Variants in MBD5 observed in about 807,000 individuals in gnomAD.
The protein encoded by MBD5 is methyl-CpG-binding domain protein 5.
A neutral mutation model predicts 117.3 loss-of-function variants in MBD5; 13 were observed. The observed-to-expected ratio is 0.11, with a 90% CI of 0.07 to 0.18. MBD5 has a LOEUF of 0.18. MBD5 is among the 10% of genes least tolerant of loss of function. The pLI, the probability that MBD5 is intolerant of heterozygous loss-of-function variation, is 1.00. For missense variants in MBD5, 1,879 were observed against 2,093.8 expected (o/e 0.90, Z 2.00); for synonymous variants, 727 against 766.4 (o/e 0.95, Z 0.85).
intron 4 of MBD5, among the ~76,000 whole-genome samples, chr2:148,345,227 C>T (rs1440681716): frequency 2.7e-5 from 4 of 150,094 alleles, no homozygotes; most frequent in Non-Finnish European, 4.4e-5. Flanking sequence ...TACACACACA[C>T]ATATATATAC....
intron 3 of MBD5, among the ~76,000 whole-genome samples, chr2:148,294,501 G>GTTTTTTGTTTTTTGTTTTTTGTTTTTT (rs1701589843): frequency 1.1e-3 from 123 of 113,246 alleles, no homozygotes; most frequent in African/African-American, 4.3e-3. Context: ...TGGGATTACA[G>GTTTTTTGTTTTTTGTTTTTTGTTTTTT]TTTTTTTTTT....
At chr2:148,152,326 C>G (rs1697701489) in intron 1 of MBD5, among the ~76,000 whole-genome samples, 1 of 152,066 alleles carries the variant, frequency 6.6e-6, no homozygotes. Flanking sequence ...AATCTCTGTT[C>G]TTTTACATTT....
At chr2:148,471,223 A>G (rs921560566) in intron 8 of MBD5, 4 of 152,148 alleles carry the variant, frequency 2.6e-5, no homozygotes, top group Admixed American at 2.0e-4. Flanking sequence ...GTATCTCTTC[A>G]GCCACCATTA....
intron 4 of MBD5, among the ~76,000 whole-genome samples, chr2:148,352,864 T>C (rs1450613179): frequency 1.3e-5 from 2 of 152,122 alleles, no homozygotes; most frequent in Admixed American, 6.6e-5. Context: ...TTTGAAGTGA[T>C]AACATAAAAA....
chr2:148,409,285 G>A (rs773375866), intron 4 of MBD5, among the ~76,000 whole-genome samples: 7 of 151,906 alleles, frequency 4.6e-5, no homozygotes, highest in Non-Finnish European at 8.8e-5. Context: ...CTACTCGGGA[G>A]GCTGAGGTGG....
At chr2:148,473,115 T>C (rs1398700039) in intron 8 of MBD5, among the ~76,000 whole-genome samples, 1 of 152,200 alleles carries the variant, frequency 6.6e-6, no homozygotes, top group Non-Finnish European at 1.5e-5. Flanking sequence ...ATCACATTAA[T>C]GCATGTTAAA....
At chr2:148,407,221 C>T (rs1243683416) in intron 4 of MBD5, among the ~76,000 whole-genome samples, 1 of 152,118 alleles carries the variant, frequency 6.6e-6, no homozygotes, top group African/African-American at 2.4e-5. Flanking sequence ...GTTATTGTCT[C>T]ATAACATGCA....
At chr2:148,411,101 A>C (rs1475344791) in intron 4 of MBD5, among the ~76,000 whole-genome samples, 1 of 152,200 alleles carries the variant, frequency 6.6e-6, no homozygotes, top group Non-Finnish European at 1.5e-5. Context: ...ATAAGTAAAA[A>C]CATGCAATAT....
chr2:148,261,234 G>T (rs1700724569), intron 3 of MBD5, among the ~76,000 whole-genome samples: 1 of 152,186 alleles, frequency 6.6e-6, no homozygotes, highest in Non-Finnish European at 1.5e-5. Flanking sequence ...GAATCAGTGG[G>T]TCCTTTGAAG....
chr2:148,306,591 G>T (rs1341442654), intron 3 of MBD5, among the ~76,000 whole-genome samples: 1 of 152,138 alleles, frequency 6.6e-6, no homozygotes, highest in Non-Finnish European at 1.5e-5. Context: ...CTGTAAGATT[G>T]CTCTAAGTTA....
At chr2:148,148,566 G>T (rs143880773) in intron 1 of MBD5, among the ~76,000 whole-genome samples, 165 of 152,268 alleles carry the variant, frequency 1.1e-3, no homozygotes, top group Middle Eastern at 0.01. Context: ...ATAAATCTGA[G>T]TTAGGGCCTG....
At chr2:148,329,261 C>T (rs1702566573) in intron 3 of MBD5, among the ~76,000 whole-genome samples, 1 of 152,108 alleles carries the variant, frequency 6.6e-6, no homozygotes, top group South Asian at 2.1e-4. Context: ...TTTACTTCTC[C>T]TTTAGCCAGA....
intron 3 of MBD5, among the ~76,000 whole-genome samples, chr2:148,269,602 C>T (rs757975131): frequency 3.4e-5 from 5 of 148,244 alleles, no homozygotes; most frequent in African/African-American, 1.2e-4. Context: ...TTCTGGAAGC[C>T]TTTAAGATCT....
At chr2:148,110,563 G>T (rs1696482968) in intron 1 of MBD5, among the ~76,000 whole-genome samples, 3 of 151,832 alleles carry the variant, frequency 2.0e-5, no homozygotes, top group Admixed American at 2.0e-4. Context: ...CTTTCTTAAT[G>T]ATACACCTTC....
chr2:148,353,742 A>C (rs1237639026), intron 4 of MBD5, among the ~76,000 whole-genome samples: 1 of 151,782 alleles, frequency 6.6e-6, no homozygotes, highest in Non-Finnish European at 1.5e-5. Context: ...CAGCAGGTAC[A>C]GCTAATTTTT....
In MBD5 at chr2:148,387,880, G is replaced by T. The variant is rs551941339; in HGVS notation, c.-557+45544G>T. 3.9e-5 allele frequency among the ~76,000 whole-genome samples: 6 copies of T among 152,134 alleles called. No homozygotes were observed. The East Asian group carries it at 1.2e-3, about 29-fold the overall frequency. On this transcript the variant is annotated intron_variant, in intron 4 of 13. Coordinates refer to ENST00000642680, the MANE Select transcript of MBD5 (RefSeq NM_001378120.1). ...TATTAAACATCTAAATAGTTTATAC[G>T]AATATATTAGATCCAATATAATCAA...
intron 3 of MBD5, among the ~76,000 whole-genome samples, chr2:148,276,168 AAGTT>A (rs1000304773): frequency 2.0e-5 from 3 of 152,062 alleles, no homozygotes; most frequent in Non-Finnish European, 4.4e-5. Flanking sequence ...AACAAACAAA[AAGTT>A]AGCCAAATGT....
At position 148,288,399 on chromosome 2, in the gene MBD5, C is replaced by CAA. The variant is rs569673565; in HGVS notation, c.-679-53801_-679-53800dup. On this transcript the variant is annotated intron_variant, in intron 3 of 13. Coordinates refer to ENST00000642680, the MANE Select transcript of MBD5 (RefSeq NM_001378120.1). ...TGGGCGACAGAGCGAGACTCCGTCT[C>CAA]AAAAAAAAAAAAAAAGTGATTTCTT... Among the ~76,000 whole-genome samples the CAA allele has an allele frequency of 4.5e-4, 17 of 37,792 alleles. 4 individuals carry two copies. Among genetic ancestry groups the CAA allele is most frequent in the East Asian group, 5.0e-3 (2 of 398 alleles). The allele number at this position is 37,792 out of a possible 152,430, so 24.8% of individuals were successfully genotyped here. A position where few individuals can be genotyped will look rare whatever the true frequency, so the allele number is the denominator to read the frequency against.
At chr2:148,245,487 C>T (rs1386992964) in intron 3 of MBD5, among the ~76,000 whole-genome samples, 1 of 152,056 alleles carries the variant, frequency 6.6e-6, no homozygotes, top group East Asian at 1.9e-4. Context: ...GTCCCAGCTA[C>T]TCAGGAGGCT....
Sources: gnomAD v4.1 joint callset for allele counts (sites outside exome capture counted in the v4.1 genomes callset) on GRCh38, gnomAD v4.1.1 for gene constraint, MANE v1.5 for transcripts, NCBI Gene and HGNC (gene_info 2026-07-23, HGNC 2026-07-21) for gene names.